SLC35F1: variants seen among roughly 807,000 people sequenced by gnomAD.
The protein encoded by SLC35F1 is solute carrier family 35 member F1.
A neutral mutation model predicts 48.7 loss-of-function variants in SLC35F1; 14 were observed. The ratio of observed to expected loss-of-function variants is 0.29; its 90% confidence interval spans 0.19 to 0.45. SLC35F1 has a LOEUF of 0.45. Among genes scored for constraint, SLC35F1 ranks in the 20% least tolerant of loss-of-function variants. SLC35F1 has a pLI of 1.00. For missense variants in SLC35F1, 404 were observed against 500.0 expected (o/e 0.81, Z 1.83); for synonymous variants, 190 against 202.2 (o/e 0.94, Z 0.51).
Position 118,055,221 on chromosome 6 carries a change from G to C in SLC35F1, c.174-99224G>C, listed in dbSNP as rs1312977075. Among the ~76,000 whole-genome samples, 7 of 152,124 alleles carry C rather than the reference G, an allele frequency of 4.6e-5. No individual in the cohort carries two copies. The East Asian group carries it at 1.3e-3, about 29-fold the overall frequency. ...TAGATTCTACTTTAAATTTTGAATG[G>C]ATACATGCATTCTTGAGGATGTTAT... On this transcript the variant is annotated intron_variant, in intron 1 of 7. Transcript: ENST00000360388.
intron 3 of SLC35F1, among the ~76,000 whole-genome samples, chr6:118,249,400 T>G (rs12111454): frequency 0.014 from 2,078 of 152,354 alleles, 34 homozygotes; most frequent in African/African-American, 0.036. Context: ...ACCCTGGTGC[T>G]GTCTGCCCAA....
chr6:118,277,299 C>G (rs1013950833), intron 5 of SLC35F1, among the ~76,000 whole-genome samples, 195 bp from the exon 6 acceptor site: 2 of 152,196 alleles, frequency 1.3e-5, no homozygotes, highest in African/African-American at 4.8e-5. Context: ...CCCTCACACA[C>G]CGACCGGGTT....
chr6:118,001,534 G>T (rs1266114942), intron 1 of SLC35F1, among the ~76,000 whole-genome samples: 1 of 152,086 alleles, frequency 6.6e-6, no homozygotes, highest in East Asian at 1.9e-4. Flanking sequence ...CAGGACATAG[G>T]CATGGGCAAG....
Position 118,179,074 on chromosome 6 carries a change from G to A in SLC35F1, c.349+24454G>A, listed in dbSNP as rs1582714458. Among the ~76,000 whole-genome samples the A allele has an allele frequency of 2.0e-5, 3 of 152,234 alleles. No individual in the cohort carries two copies. The East Asian group carries it at 5.8e-4, about 29-fold the overall frequency. On this transcript the variant is annotated intron_variant, in intron 2 of 7. Coordinates refer to ENST00000360388, the MANE Select transcript of SLC35F1 (RefSeq NM_001029858.4). ...CCCCTTATACACTGAGAACTGAGCA[G>A]AAGCAACTGGAGCCAGGCTTATCTC... is the stretch of plus-strand genomic sequence containing the variant.
chr6:118,075,795 A>C (rs1449454266), intron 1 of SLC35F1, among the ~76,000 whole-genome samples: 1 of 152,238 alleles, frequency 6.6e-6, no homozygotes, highest in African/African-American at 2.4e-5. Context: ...TTATATTGTC[A>C]AATCTATCCA....
At chr6:117,958,073 T>C (rs1453839820) in intron 1 of SLC35F1, among the ~76,000 whole-genome samples, 1 of 152,316 alleles carries the variant, frequency 6.6e-6, no homozygotes, top group East Asian at 1.9e-4. Context: ...GTGATATTGA[T>C]TATCCTGACC....
intron 1 of SLC35F1, among the ~76,000 whole-genome samples, chr6:118,090,418 G>A (rs1039865252): frequency 6.6e-6 from 1 of 152,144 alleles, no homozygotes; most frequent in African/African-American, 2.4e-5. Flanking sequence ...AATTCTCAAA[G>A]CAATAAAGCT....
rs79256669 is a variant in SLC35F1, at chr6:118,073,048, C to T, written c.174-81397C>T. ...CTGGAAATTTGTTCACATTCCTTGTCCTCTGATAGCCCTTCTACTGTTTGC... is the reference window on the plus strand; with the variant it reads ...CTGGAAATTTGTTCACATTCCTTGTTCTCTGATAGCCCTTCTACTGTTTGC... On this transcript the variant is annotated intron_variant, in intron 1 of 7. Coordinates refer to ENST00000360388, the MANE Select transcript of SLC35F1 (RefSeq NM_001029858.4). 3.4e-3 allele frequency among the ~76,000 whole-genome samples: 525 copies of T among 152,258 alleles called. 2 individuals carry two copies. Among genetic ancestry groups the T allele is most frequent in the African/African-American group, 0.011 (455 of 41,558 alleles).
intron 1 of SLC35F1, among the ~76,000 whole-genome samples, chr6:117,913,747 T>A (rs1296652619): frequency 7.3e-6 from 1 of 137,846 alleles, no homozygotes. Flanking sequence ...ATATTATAAT[T>A]TAAGTTTTAA....
intron 1 of SLC35F1, among the ~76,000 whole-genome samples, chr6:118,006,470 T>C (rs1024010063): frequency 1.3e-5 from 2 of 151,930 alleles, no homozygotes; most frequent in African/African-American, 4.8e-5. Context: ...TTTTTAAAAA[T>C]TATCTGGGCA....
At chr6:118,255,214 C>T (rs982620215) in intron 3 of SLC35F1, among the ~76,000 whole-genome samples, 1 of 152,178 alleles carries the variant, frequency 6.6e-6, no homozygotes, top group African/African-American at 2.4e-5. Flanking sequence ...CTGGCTCTGA[C>T]ATTGCCAGGT....
At chr6:118,213,095 C>T (rs1473610490) in intron 2 of SLC35F1, among the ~76,000 whole-genome samples, 1 of 152,122 alleles carries the variant, frequency 6.6e-6, no homozygotes, top group African/African-American at 2.4e-5. Flanking sequence ...TAAAATTTAA[C>T]AATGCATAAG....
At chr6:117,950,619 C>CTAT (rs1776352313) in intron 1 of SLC35F1, among the ~76,000 whole-genome samples, 1 of 152,130 alleles carries the variant, frequency 6.6e-6, no homozygotes, top group African/African-American at 2.4e-5. Flanking sequence ...ATGGCTCTGG[C>CTAT]TATTGACTTA....
intron 2 of SLC35F1, among the ~76,000 whole-genome samples, chr6:118,196,288 A>G (rs1443547730): frequency 6.6e-6 from 1 of 152,198 alleles, no homozygotes; most frequent in Non-Finnish European, 1.5e-5. Flanking sequence ...TTGTCTACCT[A>G]TTAAGTTAGA....
At chr6:118,039,568 T>A (rs916067595) in intron 1 of SLC35F1, among the ~76,000 whole-genome samples, 14 of 152,034 alleles carry the variant, frequency 9.2e-5, no homozygotes, top group Non-Finnish European at 4.4e-5. Context: ...TCAGATTGGA[T>A]AATTTCTATT....
At chr6:118,230,721 G>A (rs1775281684) in intron 2 of SLC35F1, among the ~76,000 whole-genome samples, 1 of 152,180 alleles carries the variant, frequency 6.6e-6, no homozygotes, top group Admixed American at 6.5e-5. Flanking sequence ...GGTGGCTCAT[G>A]CCTGTAAATC....
At chr6:118,068,270 C>T (rs907982927) in intron 1 of SLC35F1, among the ~76,000 whole-genome samples, 1 of 152,162 alleles carries the variant, frequency 6.6e-6, no homozygotes, top group Non-Finnish European at 1.5e-5. Context: ...TACCAGCTAT[C>T]GAGTATCCCT....
At chr6:118,198,763 A>G (rs1162410799) in intron 2 of SLC35F1, among the ~76,000 whole-genome samples, 2 of 152,180 alleles carry the variant, frequency 1.3e-5, no homozygotes, top group Admixed American at 6.5e-5. Flanking sequence ...ATCCACACAT[A>G]TACACATTGT....
At chr6:118,132,508 T>A (rs1315035839) in intron 1 of SLC35F1, among the ~76,000 whole-genome samples, 4 of 152,228 alleles carry the variant, frequency 2.6e-5, no homozygotes, top group Non-Finnish European at 5.9e-5. Context: ...AAAATGGAGA[T>A]AATAAAAATA....
Sources: allele counts gnomAD v4.1 joint callset (sites outside exome capture counted in the v4.1 genomes callset), GRCh38; gene constraint gnomAD v4.1.1; transcripts MANE v1.5; gene names NCBI Gene and HGNC (gene_info 2026-07-23, HGNC 2026-07-21).